The following GLIS3 variants were observed in gnomAD, a reference collection of about 807,000 sequenced individuals.
GLIS3 encodes the protein zinc finger protein GLIS3.
In GLIS3, 53 loss-of-function variants were observed where a neutral mutation model predicts 78.6. The ratio of observed to expected loss-of-function variants is 0.67; its 90% confidence interval spans 0.54 to 0.85. The LOEUF is 0.85. Ranked by LOEUF, GLIS3 falls within the 40% of genes least tolerant of loss-of-function variation. The pLI, the probability that GLIS3 is intolerant of heterozygous loss-of-function variation, is 0.00. For missense variants in GLIS3, 1,703 were observed against 1,231.1 expected (o/e 1.38, Z -5.74); for synonymous variants, 684 against 509.9 (o/e 1.34, Z -4.60).
At chr9:4,240,333 A>C (rs1192709823) in intron 2 of GLIS3, among the ~76,000 whole-genome samples, 1 of 152,052 alleles carries the variant, frequency 6.6e-6, no homozygotes. Context: ...TGAGAATCTA[A>C]CACCAGTGCT....
intron 4 of GLIS3, among the ~76,000 whole-genome samples, chr9:4,064,331 T>C (rs960558536): frequency 1.3e-5 from 2 of 152,114 alleles, no homozygotes; most frequent in Non-Finnish European, 2.9e-5. Context: ...AAAACCTTCT[T>C]AAATAAGATA....
chr9:4,308,129 CT>C (rs1817275928), intron 4 of GLIS3, among the ~76,000 whole-genome samples: 1 of 152,144 alleles, frequency 6.6e-6, no homozygotes, highest in African/African-American at 2.4e-5. Context: ...CTTCCCTTAG[CT>C]TCTCCAGGAG....
At chr9:3,877,253 A>T (rs538133230) in intron 8 of GLIS3, among the ~76,000 whole-genome samples, 157 of 112,674 alleles carry the variant, frequency 1.4e-3, no homozygotes, top group Middle Eastern at 4.7e-3. Context: ...GCATTTTTTT[A>T]AAAAAATCTT....
chr9:4,349,269 T>A (rs1487657362), upstream of GLIS3, among the ~76,000 whole-genome samples: 2 of 152,242 alleles, frequency 1.3e-5, no homozygotes, highest in East Asian at 3.8e-4. Context: ...AACTGCAGAC[T>A]AATGTTATTT....
intron 4 of GLIS3, among the ~76,000 whole-genome samples, chr9:4,078,421 A>G (rs1237905158): frequency 1.3e-5 from 2 of 152,122 alleles, no homozygotes; most frequent in Non-Finnish European, 1.5e-5. Flanking sequence ...ACACAACTCA[A>G]GTGCACTTCC....
chr9:3,929,488 C>T (rs1825481693), intron 6 of GLIS3, among the ~76,000 whole-genome samples: 1 of 152,160 alleles, frequency 6.6e-6, no homozygotes, highest in African/African-American at 2.4e-5. Context: ...CCCGACCCCT[C>T]CTCACATGAA....
chr9:4,448,681 T>C, the GLIS3 span, among the ~76,000 whole-genome samples: 1 of 152,238 alleles, frequency 6.6e-6, no homozygotes, highest in Non-Finnish European at 1.5e-5. Flanking sequence ...CTTATATCAC[T>C]GCTGGGCAGA....
At chr9:4,227,746 C>A (rs1368018286) in intron 2 of GLIS3, among the ~76,000 whole-genome samples, 1 of 152,144 alleles carries the variant, frequency 6.6e-6, no homozygotes, top group Non-Finnish European at 1.5e-5. Flanking sequence ...TGCATAAAGT[C>A]AGGTGAAGCC....
chr9:4,434,990 A>C, the GLIS3 span, among the ~76,000 whole-genome samples: 1 of 152,176 alleles, frequency 6.6e-6, no homozygotes, highest in Non-Finnish European at 1.5e-5. Flanking sequence ...TCAGGTACCA[A>C]ATTGTATGAT....
intron 2 of GLIS3, among the ~76,000 whole-genome samples, chr9:4,252,109 C>G (rs906964784): frequency 1.6e-4 from 24 of 152,076 alleles, no homozygotes; most frequent in African/African-American, 5.3e-4. Context: ...CAAGGAGTAT[C>G]TTTGTGGTGT....
intron 8 of GLIS3, among the ~76,000 whole-genome samples, chr9:3,860,096 A>G (rs974054255): frequency 6.6e-6 from 1 of 151,980 alleles, no homozygotes; most frequent in South Asian, 2.1e-4. Flanking sequence ...TAACACGGTG[A>G]AAGTCTGTCT....
chr9:3,909,717 G>A (rs761785276), intron 6 of GLIS3, among the ~76,000 whole-genome samples: 4 of 152,142 alleles, frequency 2.6e-5, no homozygotes, highest in Non-Finnish European at 4.4e-5. Flanking sequence ...AAGAAATGAT[G>A]ATTTATGGAA....
At chr9:4,444,093 C>T in the GLIS3 span, among the ~76,000 whole-genome samples, 1 of 152,162 alleles carries the variant, frequency 6.6e-6, no homozygotes, top group African/African-American at 2.4e-5. Flanking sequence ...ACCTCTTGAT[C>T]TGGTGGTCAG....
chr9:4,348,911 T>C (rs776722783), upstream of GLIS3, among the ~76,000 whole-genome samples: 11 of 152,222 alleles, frequency 7.2e-5, no homozygotes, highest in Non-Finnish European at 1.3e-4. Flanking sequence ...TGGATGGTGC[T>C]TTCTTCTTCT....
intron 9 of GLIS3, among the ~76,000 whole-genome samples, chr9:3,847,550 G>T (rs1209628336): frequency 1.3e-5 from 2 of 152,234 alleles, no homozygotes; most frequent in African/African-American, 4.8e-5. Flanking sequence ...AGTTTAATCT[G>T]TGTGGGTGCA....
the GLIS3 span, among the ~76,000 whole-genome samples, chr9:4,470,843 A>G: frequency 5.3e-5 from 8 of 152,062 alleles, no homozygotes; most frequent in East Asian, 1.5e-3. Context: ...ATGATTGTAT[A>G]TCTAGAAAAC....
chr9:4,337,216 G>A (rs750220174), intron 2 of GLIS3, among the ~76,000 whole-genome samples: 2 of 152,170 alleles, frequency 1.3e-5, no homozygotes, highest in Admixed American at 6.5e-5. Flanking sequence ...CTGGGACACA[G>A]TCCTGAGGAA....
At chr9:4,080,702 T>C (rs1405200022) in intron 4 of GLIS3, among the ~76,000 whole-genome samples, 1 of 152,168 alleles carries the variant, frequency 6.6e-6, no homozygotes, top group Non-Finnish European at 1.5e-5. Flanking sequence ...TAGGACATAT[T>C]TTGTAGTTGG....
chr9:4,315,590 G>A (rs147750225), intron 2 of GLIS3, among the ~76,000 whole-genome samples: 4 of 152,184 alleles, frequency 2.6e-5, no homozygotes, highest in African/African-American at 7.2e-5. Context: ...AGTTTTCCAT[G>A]GAAAACTCTT....
Sources: allele counts gnomAD v4.1 joint callset (sites outside exome capture counted in the v4.1 genomes callset), GRCh38; gene constraint gnomAD v4.1.1; transcripts MANE v1.5; gene names NCBI Gene and HGNC (gene_info 2026-07-23, HGNC 2026-07-21).